Variants in SCOC observed in about 807,000 individuals in gnomAD.
SCOC encodes the protein short coiled-coil protein, also known as short coiled coil protein.
Under a neutral mutation model 9.9 loss-of-function variants are expected in SCOC, and 7 were observed. That is an observed-to-expected ratio of 0.71 (90% CI 0.40 to 1.33). SCOC has a LOEUF of 1.33. Ranked by LOEUF, SCOC falls within the 40% of genes most tolerant of loss-of-function variation. SCOC has a pLI of 0.01. For synonymous variants in SCOC, 19 were observed against 28.2 expected, an observed-to-expected ratio of 0.67 and a Z score of 1.03; for missense variants, 66 against 89.7, an observed-to-expected ratio of 0.74 and a Z score of 1.07.
chr4:140,267,651 G>A (rs780681326), intron 1 of SCOC, among the ~76,000 whole-genome samples: 16 of 152,222 alleles, frequency 1.1e-4, no homozygotes, highest in Non-Finnish European at 2.1e-4. Flanking sequence ...TTGCCAGACA[G>A]GTCCACTAAG....
chr4:140,259,044 G>C (rs1416881673), intron 1 of SCOC, among the ~76,000 whole-genome samples: 1 of 152,198 alleles, frequency 6.6e-6, no homozygotes, highest in East Asian at 1.9e-4. Flanking sequence ...TTTCATAGCA[G>C]CATTTAATAC....
intron 1 of SCOC, chr4:140,374,322 G>T: frequency 2.6e-6 from 1 of 378,932 alleles, no homozygotes; most frequent in South Asian, 1.9e-5. Context: ...GAAAGGCAGG[G>T]CTTCTGTTAT....
chr4:140,342,304 C>A (rs1475416555), upstream of SCOC, among the ~76,000 whole-genome samples: 1 of 152,154 alleles, frequency 6.6e-6, no homozygotes, highest in Non-Finnish European at 1.5e-5. Flanking sequence ...CAAATGTCCC[C>A]TTCTCTAAGC....
At chr4:140,373,864 TTGG>T in intron 1 of SCOC, 147 bp downstream of exon 1, 1 of 890,506 alleles carries the variant, frequency 1.1e-6, no homozygotes, top group Non-Finnish European at 1.8e-6. Context: ...GCCTGGGCAT[TTGG>T]TGGGCGGCGG....
intron 1 of SCOC, among the ~76,000 whole-genome samples, chr4:140,329,024 G>C (rs544950038): frequency 1.2e-4 from 18 of 152,202 alleles, no homozygotes; most frequent in African/African-American, 4.3e-4. Flanking sequence ...AAATCTGAAG[G>C]CATCACATTA....
At chr4:140,344,715 A>G (rs1401282638) in intron 2 of SCOC, among the ~76,000 whole-genome samples, 2 of 152,178 alleles carry the variant, frequency 1.3e-5, no homozygotes, top group Non-Finnish European at 2.9e-5. Flanking sequence ...TGTCCTTAAC[A>G]TGCTCCCACC....
intron 1 of SCOC, among the ~76,000 whole-genome samples, chr4:140,324,542 G>A (rs1364476837): frequency 6.6e-6 from 1 of 151,966 alleles, no homozygotes; most frequent in Non-Finnish European, 1.5e-5. Flanking sequence ...CTATATTCCA[G>A]AAATGAATAG....
chr4:140,300,406 G>C (rs1731779734), intron 1 of SCOC, among the ~76,000 whole-genome samples: 1 of 152,190 alleles, frequency 6.6e-6, no homozygotes, highest in Non-Finnish European at 1.5e-5. Context: ...GGAAAGCTGA[G>C]GCAATAGCAG....
intron 1 of SCOC, among the ~76,000 whole-genome samples, chr4:140,326,482 A>G (rs1284109866): frequency 6.6e-6 from 1 of 152,200 alleles, no homozygotes; most frequent in African/African-American, 2.4e-5. Context: ...AGCAATAAAT[A>G]TAGTGGCATG....
At chr4:140,358,028 G>A (rs943987326) in intron 2 of SCOC, among the ~76,000 whole-genome samples, 3 of 151,566 alleles carry the variant, frequency 2.0e-5, no homozygotes, top group South Asian at 2.1e-4. Context: ...TCTCTCTAAC[G>A]CCTATGCACT....
At chr4:140,318,378 T>G (rs1465182996) in intron 1 of SCOC, among the ~76,000 whole-genome samples, 2 of 111,476 alleles carry the variant, frequency 1.8e-5, no homozygotes, top group South Asian at 6.9e-4. Context: ...CAAACAAATT[T>G]ACAAGAAAAA....
intron 1 of SCOC, among the ~76,000 whole-genome samples, chr4:140,268,676 C>G (rs1442740122): frequency 6.6e-6 from 1 of 152,136 alleles, no homozygotes; most frequent in Non-Finnish European, 1.5e-5. Flanking sequence ...AAAGGGAGTA[C>G]AGCCCTGGAG....
At chr4:140,335,169 A>G in intron 1 of SCOC, among the ~76,000 whole-genome samples, 1 of 152,166 alleles carries the variant, frequency 6.6e-6, no homozygotes, top group East Asian at 1.9e-4. Flanking sequence ...TATGCATATT[A>G]ATCAGATTGT....
intron 1 of SCOC, among the ~76,000 whole-genome samples, chr4:140,305,138 C>T (rs1182064627): frequency 1.3e-5 from 2 of 152,022 alleles, no homozygotes; most frequent in African/African-American, 4.8e-5. Context: ...CACACAAGGC[C>T]CAGGGAGAAA....
At chr4:140,310,781 C>T (rs996419386) in intron 1 of SCOC, among the ~76,000 whole-genome samples, 1 of 152,142 alleles carries the variant, frequency 6.6e-6, no homozygotes, top group South Asian at 2.1e-4. Context: ...GATCTCCCCC[C>T]GAGGGTGGGT....
intron 1 of SCOC, among the ~76,000 whole-genome samples, chr4:140,280,775 G>A (rs1027541368): frequency 2.0e-5 from 3 of 152,116 alleles, no homozygotes; most frequent in Non-Finnish European, 2.9e-5. Flanking sequence ...CCACATATGG[G>A]CTTTAGGAAA....
In SCOC at chr4:140,383,568, A is replaced by AG. The variant is rs559458056; in HGVS notation, c.*2468dup. 1.3e-5 allele frequency: 2 copies of AG among 152,234 alleles called. No homozygotes were observed. The highest frequency in any genetic ancestry group is 2.9e-5 in the Non-Finnish European group (2 of 68,062). 9.4% of individuals were successfully genotyped at this position (152,234 alleles called of 1,614,324 possible). A position where few individuals can be genotyped will look rare whatever the true frequency, so the allele number is the denominator to read the frequency against. ...TTCAACTATGATTCTGATCTCTGGC[A>AG]GGGGACTCCCTTGTTCATTGAACTC... On this transcript the variant is annotated 3_prime_UTR_variant, in exon 4 of 4. Coordinates refer to ENST00000608372, the MANE Select transcript of SCOC (RefSeq NM_001153484.2).
intron 1 of SCOC, among the ~76,000 whole-genome samples, chr4:140,315,398 T>A (rs1298465861): frequency 6.6e-6 from 1 of 152,238 alleles, no homozygotes; most frequent in African/African-American, 2.4e-5. Flanking sequence ...TCCTATTCCC[T>A]GTTTATATTT....
intron 1 of SCOC, among the ~76,000 whole-genome samples, chr4:140,287,572 T>C (rs1731328116): frequency 6.6e-6 from 1 of 151,608 alleles, no homozygotes; most frequent in Non-Finnish European, 1.5e-5. Flanking sequence ...ACACAGACCA[T>C]GCACATGCAT....
Sources: gnomAD v4.1 joint callset for allele counts (sites outside exome capture counted in the v4.1 genomes callset) on GRCh38, gnomAD v4.1.1 for gene constraint, MANE v1.5 for transcripts, NCBI Gene and HGNC (gene_info 2026-07-23, HGNC 2026-07-21) for gene names.